DNAJC5B: variants seen among roughly 807,000 people sequenced by gnomAD.
DNAJC5B encodes dnaJ homolog subfamily C member 5B.
A neutral mutation model predicts 24.7 loss-of-function variants in DNAJC5B; 23 were observed. The observed-to-expected ratio is 0.93, with a 90% confidence interval of 0.67 to 1.32. DNAJC5B has a LOEUF of 1.32. DNAJC5B is among the 40% of genes most tolerant of loss of function. The pLI, the probability that DNAJC5B is intolerant of heterozygous loss-of-function variation, is 0.00. For missense variants in DNAJC5B, 238 were observed against 240.8 expected, an observed-to-expected ratio of 0.99 and a Z score of 0.08; for synonymous variants, 101 against 90.1, an observed-to-expected ratio of 1.12 and a Z score of -0.68.
At chr8:66,053,980 G>T in intron 3 of DNAJC5B, among the ~76,000 whole-genome samples, 1 of 144,846 alleles carries the variant, frequency 6.9e-6, no homozygotes. Flanking sequence ...AAAATATCTT[G>T]ATGTTATTAA....
At chr8:66,066,336 C>A (rs1338031991) in intron 3 of DNAJC5B, among the ~76,000 whole-genome samples, 1 of 152,098 alleles carries the variant, frequency 6.6e-6, no homozygotes, top group African/African-American at 2.4e-5. Flanking sequence ...CCTTAAAGAT[C>A]TAAAAATAGA....
At chr8:66,029,951 A>C (rs2128956116) in intron 1 of DNAJC5B, among the ~76,000 whole-genome samples, 1 of 152,256 alleles carries the variant, frequency 6.6e-6, no homozygotes, top group Non-Finnish European at 1.5e-5. Flanking sequence ...GATCTCATTC[A>C]TTTGTTACAG....
At chr8:66,090,150 A>G (rs142536636) in intron 5 of DNAJC5B, among the ~76,000 whole-genome samples, 23 of 152,218 alleles carry the variant, frequency 1.5e-4, no homozygotes, top group Admixed American at 2.6e-4. Context: ...GAAGGCCACA[A>G]TGAAATCAGA....
intron 5 of DNAJC5B, among the ~76,000 whole-genome samples, chr8:66,092,506 C>A (rs992200823): frequency 6.6e-6 from 1 of 152,046 alleles, no homozygotes; most frequent in Non-Finnish European, 1.5e-5. Flanking sequence ...ATTCGCCTAA[C>A]TCCTTTATCT....
chr8:66,060,083 A>G (rs1017916886), intron 3 of DNAJC5B, among the ~76,000 whole-genome samples: 10 of 152,118 alleles, frequency 6.6e-5, no homozygotes, highest in South Asian at 2.1e-4. Context: ...AGAGCCCCCT[A>G]TGAGTTCAAA....
At chr8:66,080,616 G>C in intron 5 of DNAJC5B, 68 bp downstream of exon 5, 5 of 1,383,258 alleles carry the variant, frequency 3.6e-6, no homozygotes, top group Non-Finnish European at 4.9e-6. Context: ...CAGGTCCCAC[G>C]GGGACAGCTA....
chr8:66,034,508 T>C (rs548269723), intron 1 of DNAJC5B, among the ~76,000 whole-genome samples: 2 of 151,706 alleles, frequency 1.3e-5, no homozygotes, highest in Admixed American at 6.6e-5. Flanking sequence ...GCAGATAGGC[T>C]TGGGGAGCTC....
intron 1 of DNAJC5B, among the ~76,000 whole-genome samples, chr8:66,028,828 A>G (rs994624351): frequency 1.3e-5 from 2 of 152,186 alleles, no homozygotes; most frequent in African/African-American, 2.4e-5. Flanking sequence ...TTTCTAAAAT[A>G]GAAACCGGCA....
chr8:66,040,747 C>T (rs142096851), intron 1 of DNAJC5B, among the ~76,000 whole-genome samples: 10 of 152,220 alleles, frequency 6.6e-5, no homozygotes, highest in South Asian at 6.2e-4. Flanking sequence ...GGGCCCTGGG[C>T]GTCAGAATTC....
intron 1 of DNAJC5B, among the ~76,000 whole-genome samples, chr8:66,027,001 G>T (rs1367938215): frequency 6.6e-6 from 1 of 152,142 alleles, no homozygotes; most frequent in Non-Finnish European, 1.5e-5. Flanking sequence ...TTGTGTAGTG[G>T]TCAAGTTTGG....
chr8:66,028,010 G>A (rs553229194), intron 1 of DNAJC5B, among the ~76,000 whole-genome samples: 1 of 152,338 alleles, frequency 6.6e-6, no homozygotes, highest in East Asian at 1.9e-4. Flanking sequence ...GAGTTCAAAA[G>A]CAAAGAGGAA....
At chr8:66,061,951 G>C (rs1361709341) in intron 3 of DNAJC5B, among the ~76,000 whole-genome samples, 1 of 151,654 alleles carries the variant, frequency 6.6e-6, no homozygotes, top group Non-Finnish European at 1.5e-5. Flanking sequence ...GGGAGTGGCA[G>C]CCTGTGGGGG....
chr8:66,090,073 A>G (rs916515486), intron 5 of DNAJC5B, among the ~76,000 whole-genome samples: 1 of 152,148 alleles, frequency 6.6e-6, no homozygotes, highest in African/African-American at 2.4e-5. Context: ...TAGGAGTTCT[A>G]CATTGTGAAA....
chr8:66,063,272 GAA>G (rs1423591697), intron 3 of DNAJC5B, among the ~76,000 whole-genome samples: 1 of 152,196 alleles, frequency 6.6e-6, no homozygotes, highest in Non-Finnish European at 1.5e-5. Context: ...AAAAGAAGCA[GAA>G]AAGAGTGCCA....
At chr8:66,027,348 G>T (rs1454795718) in intron 1 of DNAJC5B, among the ~76,000 whole-genome samples, 1 of 152,112 alleles carries the variant, frequency 6.6e-6, no homozygotes, top group Non-Finnish European at 1.5e-5. Flanking sequence ...ATAATACTTG[G>T]GGTTGTCCCG....
At chr8:66,053,793 C>T (rs1806904052) in intron 3 of DNAJC5B, among the ~76,000 whole-genome samples, 1 of 152,090 alleles carries the variant, frequency 6.6e-6, no homozygotes, top group Non-Finnish European at 1.5e-5. Flanking sequence ...CCATGCCCGG[C>T]TAATTTTGTA....
At chr8:66,057,192 A>G (rs1806985315) in intron 3 of DNAJC5B, 1 of 152,174 alleles carries the variant, frequency 6.6e-6, no homozygotes, top group South Asian at 2.1e-4. Flanking sequence ...AAGTAACGAC[A>G]AATTCTCTTG....
At chr8:66,073,634 C>T (rs755084075) in intron 3 of DNAJC5B, among the ~76,000 whole-genome samples, 3 of 152,064 alleles carry the variant, frequency 2.0e-5, no homozygotes, top group African/African-American at 4.8e-5. Context: ...GATATGAAGA[C>T]GTATTTTAAA....
intron 5 of DNAJC5B, among the ~76,000 whole-genome samples, chr8:66,087,449 A>T (rs756512798): frequency 1.3e-5 from 2 of 152,060 alleles, no homozygotes; most frequent in Non-Finnish European, 2.9e-5. Context: ...TCCTTTTCAC[A>T]TTTCGAAACC....
Sources: gnomAD v4.1 joint callset for allele counts (sites outside exome capture counted in the v4.1 genomes callset) on GRCh38, gnomAD v4.1.1 for gene constraint, MANE v1.5 for transcripts, NCBI Gene and HGNC (gene_info 2026-07-23, HGNC 2026-07-21) for gene names.